The following NYAP2 variants were observed in gnomAD, a reference collection of about 807,000 sequenced individuals.
NYAP2 encodes the protein neuronal tyrosine-phosphorylated phosphoinositide-3-kinase adaptor 2, also known as neuronal tyrosine-phosphorylated phosphoinositide-3-kinase adapter 2.
Under a neutral mutation model 50.4 loss-of-function variants are expected in NYAP2, and 23 were observed. That is an observed-to-expected ratio of 0.46 (90% CI 0.33 to 0.65). NYAP2 has a LOEUF of 0.65. Among genes scored for constraint, NYAP2 ranks in the 30% least tolerant of loss-of-function variants. The pLI is 0.02. For synonymous variants in NYAP2, 394 were observed against 365.2 expected, an observed-to-expected ratio of 1.08 and a Z score of -0.90; for missense variants, 885 against 861.0, an observed-to-expected ratio of 1.03 and a Z score of -0.35.
At chr2:225,449,738 A>T (rs1179315373) in intron 3 of NYAP2, among the ~76,000 whole-genome samples, 1 of 150,804 alleles carries the variant, frequency 6.6e-6, no homozygotes, top group African/African-American at 2.4e-5. Context: ...CCTCCCAAGT[A>T]GCTGGGATTA....
chr2:225,460,709 A>C (rs1191343335), intron 3 of NYAP2, among the ~76,000 whole-genome samples: 1 of 152,208 alleles, frequency 6.6e-6, no homozygotes, highest in African/African-American at 2.4e-5. Context: ...TAAAATTGGC[A>C]TTTAGTAAAC....
chr2:225,691,610 GAGA>G, the NYAP2 span, among the ~76,000 whole-genome samples: 13 of 152,170 alleles, frequency 8.5e-5, 1 homozygote, highest in South Asian at 1.5e-3. Flanking sequence ...CACTACATGG[GAGA>G]AGAAGAACAT....
intron 4 of NYAP2, among the ~76,000 whole-genome samples, chr2:225,547,049 C>T (rs2082221): frequency 0.022 from 3,323 of 152,140 alleles, 123 homozygotes; most frequent in African/African-American, 0.075. Flanking sequence ...TGTGGCTAAG[C>T]GGGTGTCCAC....
At chr2:225,482,264 G>T (rs1265615586) in intron 3 of NYAP2, among the ~76,000 whole-genome samples, 1 of 151,920 alleles carries the variant, frequency 6.6e-6, no homozygotes, top group Non-Finnish European at 1.5e-5. Flanking sequence ...TAAAAATGTG[G>T]GGCCATTTTG....
At chr2:225,687,914 G>A in the NYAP2 span, among the ~76,000 whole-genome samples, 2 of 152,100 alleles carry the variant, frequency 1.3e-5, no homozygotes, top group Non-Finnish European at 2.9e-5. Flanking sequence ...CTCAAAATGT[G>A]GTGCTCAGCC....
intron 2 of NYAP2, among the ~76,000 whole-genome samples, chr2:225,406,861 T>C (rs575357084): frequency 6.6e-5 from 10 of 152,124 alleles, no homozygotes; most frequent in Admixed American, 2.6e-4. Flanking sequence ...AATAAACTTA[T>C]TGATATTTGG....
chr2:225,549,724 G>A (rs1277362157), intron 4 of NYAP2, among the ~76,000 whole-genome samples: 1 of 152,196 alleles, frequency 6.6e-6, no homozygotes, highest in Non-Finnish European at 1.5e-5. Flanking sequence ...GCTCATGCCT[G>A]TAATCTCAGC....
At chr2:225,489,319 G>A (rs890929184) in intron 3 of NYAP2, among the ~76,000 whole-genome samples, 4 of 151,682 alleles carry the variant, frequency 2.6e-5, no homozygotes, top group African/African-American at 9.7e-5. Flanking sequence ...TCAGCCTCCC[G>A]AGTAGCTGGG....
At chr2:225,666,543 G>C in the NYAP2 span, among the ~76,000 whole-genome samples, 6 of 152,104 alleles carry the variant, frequency 3.9e-5, no homozygotes, top group African/African-American at 9.7e-5. Context: ...GGCGGGGTTG[G>C]GGGGATGGTT....
intron 5 of NYAP2, among the ~76,000 whole-genome samples, chr2:225,611,456 A>G (rs1355399773): frequency 6.6e-6 from 1 of 151,938 alleles, no homozygotes. Context: ...TCTTCACTCC[A>G]GCTGCGCAGA....
chr2:225,418,848 A>G (rs1695167773), intron 3 of NYAP2, among the ~76,000 whole-genome samples: 1 of 152,242 alleles, frequency 6.6e-6, no homozygotes, highest in African/African-American at 2.4e-5. Flanking sequence ...GTATACATAT[A>G]CACATCTAAG....
At chr2:225,460,090 C>T (rs1025278810) in intron 3 of NYAP2, among the ~76,000 whole-genome samples, 41 of 152,270 alleles carry the variant, frequency 2.7e-4, no homozygotes, top group African/African-American at 9.6e-4. Context: ...ATTCACTCCT[C>T]TTTAGGTGTG....
At chr2:225,425,091 G>T (rs1466860745) in intron 3 of NYAP2, among the ~76,000 whole-genome samples, 2 of 152,042 alleles carry the variant, frequency 1.3e-5, no homozygotes, top group Non-Finnish European at 2.9e-5. Context: ...AGAGCTTTCA[G>T]AAAAAGGAGA....
chr2:225,631,939 T>C (rs1693323538), intron 6 of NYAP2, among the ~76,000 whole-genome samples: 1 of 152,106 alleles, frequency 6.6e-6, no homozygotes, highest in Non-Finnish European at 1.5e-5. Flanking sequence ...TCCCTCAGCC[T>C]CCCGAGTAGC....
At chr2:225,670,032 G>A in the NYAP2 span, among the ~76,000 whole-genome samples, 3 of 152,206 alleles carry the variant, frequency 2.0e-5, no homozygotes, top group Admixed American at 2.0e-4. Context: ...GCACATTCTG[G>A]CCCACTAAAA....
chr2:225,542,114 T>A (rs1691485759), intron 4 of NYAP2, among the ~76,000 whole-genome samples: 1 of 152,202 alleles, frequency 6.6e-6, no homozygotes, highest in Non-Finnish European at 1.5e-5. Context: ...GATTTTTGTA[T>A]GTTCATTTTG....
At chr2:225,444,493 T>C (rs1224491082) in intron 3 of NYAP2, among the ~76,000 whole-genome samples, 1 of 152,174 alleles carries the variant, frequency 6.6e-6, no homozygotes, top group East Asian at 1.9e-4. Context: ...TTACTGGGTT[T>C]ATATACACAC....
At chr2:225,539,132 G>A (rs766293739) in intron 4 of NYAP2, among the ~76,000 whole-genome samples, 3 of 152,082 alleles carry the variant, frequency 2.0e-5, no homozygotes, top group Non-Finnish European at 2.9e-5. Flanking sequence ...TGCTGAGAAT[G>A]ATGATTTCTA....
the NYAP2 span, among the ~76,000 whole-genome samples, chr2:225,695,212 G>A: frequency 6.6e-6 from 1 of 151,646 alleles, no homozygotes; most frequent in Non-Finnish European, 1.5e-5. Flanking sequence ...ATGCAACTGT[G>A]AAATATATAG....
Sources: gnomAD v4.1 joint callset for allele counts (sites outside exome capture counted in the v4.1 genomes callset) on GRCh38, gnomAD v4.1.1 for gene constraint, MANE v1.5 for transcripts, NCBI Gene and HGNC (gene_info 2026-07-23, HGNC 2026-07-21) for gene names.